DAB1: variants seen among roughly 807,000 people sequenced by gnomAD.
DAB1 encodes the protein DAB adaptor protein 1, also known as disabled homolog 1.
Under a neutral mutation model 64.6 loss-of-function variants are expected in DAB1, and 15 were observed. The ratio of observed to expected loss-of-function variants is 0.23; its 90% CI spans 0.16 to 0.36. The LOEUF is 0.36. DAB1 is among the 10% of genes least tolerant of loss of function. The probability of loss-of-function intolerance (pLI) is 1.00; values close to 1 mark genes in which losing one functional copy is unlikely to be tolerated. For missense variants in DAB1, 596 were observed against 706.7 expected (o/e 0.84, Z 1.78); for synonymous variants, 235 against 251.9 (o/e 0.93, Z 0.64).
chr1:57,553,237 G>A (rs974871476), intron 7 of DAB1, among the ~76,000 whole-genome samples: 2 of 151,160 alleles, frequency 1.3e-5, no homozygotes, highest in Admixed American at 1.3e-4. Flanking sequence ...GGGAAAAAAT[G>A]GGTATCTATA....
At chr1:57,064,629 G>A (rs370400532) in intron 8 of DAB1, among the ~76,000 whole-genome samples, 103 of 152,288 alleles carry the variant, frequency 6.8e-4, no homozygotes, top group East Asian at 2.9e-3. Flanking sequence ...TCTGTGAATG[G>A]GGAAGCCAAA....
At chr1:57,932,042 T>C (rs1415201596) in intron 5 of DAB1, among the ~76,000 whole-genome samples, 3 of 152,170 alleles carry the variant, frequency 2.0e-5, no homozygotes, top group East Asian at 3.8e-4. Flanking sequence ...TGATAAGTTG[T>C]GTTTTTATTT....
chr1:57,392,294 AC>A (rs1428858927), intron 1 of DAB1, among the ~76,000 whole-genome samples: 1 of 152,058 alleles, frequency 6.6e-6, no homozygotes, highest in East Asian at 1.9e-4. Flanking sequence ...AATTGCTTGA[AC>A]CCAGGGGGCG....
rs78762752 is a variant in DAB1 at position 57,642,842 on chromosome 1, C to G, written n.625+6750G>C. Among the ~76,000 whole-genome samples, 851 of 152,284 alleles carry G rather than the reference C, an allele frequency of 5.6e-3. 9 individuals carry two copies. The highest frequency in any genetic ancestry group is 0.019 in the African/African-American group (789 of 41,540). ...CATTTCATTTTGTCCCAGATGCTGT[C>G]ATAATGTCTGCTAATATCTCTAGAC... On this transcript the variant is annotated intron_variant and non_coding_transcript_variant, in intron 7 of 20. Coordinates refer to the DAB1 transcript ENST00000485760.
chr1:58,079,238 CA>C (rs1649835508), intron 5 of DAB1, among the ~76,000 whole-genome samples: 1 of 152,178 alleles, frequency 6.6e-6, no homozygotes, highest in South Asian at 2.1e-4. Context: ...GGGCTCCCCT[CA>C]GACATCACAT....
At chr1:57,385,966 T>C (rs1291197172) in intron 1 of DAB1, among the ~76,000 whole-genome samples, 1 of 152,198 alleles carries the variant, frequency 6.6e-6, no homozygotes, top group Non-Finnish European at 1.5e-5. Flanking sequence ...GCATGGGTTA[T>C]AGAGTTAGCA....
chr1:57,985,467 G>A (rs577442021), intron 5 of DAB1, among the ~76,000 whole-genome samples: 12 of 152,204 alleles, frequency 7.9e-5, no homozygotes, highest in East Asian at 1.9e-4. Context: ...TCAGGCCTTC[G>A]AGAGGTGATT....
intron 3 of DAB1, among the ~76,000 whole-genome samples, chr1:58,372,639 A>C (rs1340495035): frequency 2.6e-5 from 4 of 152,246 alleles, no homozygotes; most frequent in African/African-American, 9.6e-5. Context: ...CCCAAAGCTC[A>C]TCTTGAATTA....
chr1:57,938,780 G>A (rs1194286705), intron 5 of DAB1, among the ~76,000 whole-genome samples: 4 of 152,020 alleles, frequency 2.6e-5, no homozygotes, highest in Admixed American at 2.6e-4. Context: ...GCCCCCTGGA[G>A]GTACCCTGCA....
At chr1:57,904,433 AGTAAGTGAGGTCT>A (rs1406070146) in intron 5 of DAB1, among the ~76,000 whole-genome samples, 2 of 152,218 alleles carry the variant, frequency 1.3e-5, no homozygotes, top group African/African-American at 4.8e-5. Context: ...GACTGTACAC[AGTAAGTGAGGTCT>A]GTATTCTCAC....
chr1:57,341,023 C>T (rs1264896958), intron 1 of DAB1, among the ~76,000 whole-genome samples: 1 of 152,178 alleles, frequency 6.6e-6, no homozygotes, highest in African/African-American at 2.4e-5. Flanking sequence ...AGCACTTACA[C>T]AGCCCTTATT....
At chr1:57,510,591 G>A (rs1327863886) in intron 7 of DAB1, among the ~76,000 whole-genome samples, 3 of 151,732 alleles carry the variant, frequency 2.0e-5, no homozygotes, top group Non-Finnish European at 4.4e-5. Context: ...ATGCCTTTAG[G>A]GAAGCTCTTT....
At chr1:57,626,483 C>T (rs1468964357) in intron 7 of DAB1, among the ~76,000 whole-genome samples, 1 of 152,182 alleles carries the variant, frequency 6.6e-6, no homozygotes, top group African/African-American at 2.4e-5. Flanking sequence ...AGAGGACGAT[C>T]TCATCTTGAA....
At chr1:57,538,589 C>T (rs922545516) in intron 7 of DAB1, among the ~76,000 whole-genome samples, 23 of 152,204 alleles carry the variant, frequency 1.5e-4, no homozygotes, top group African/African-American at 5.5e-4. Flanking sequence ...CTTGGAGCTG[C>T]ATTTATCTTC....
intron 9 of DAB1, among the ~76,000 whole-genome samples, chr1:57,054,469 G>A (rs184109331): frequency 1.0e-4 from 13 of 125,412 alleles, no homozygotes; most frequent in African/African-American, 3.0e-4. Context: ...TCAGGAATGT[G>A]CTTTTTTTTT....
chr1:58,087,256 T>A (rs1650371391), intron 5 of DAB1, among the ~76,000 whole-genome samples: 1 of 152,182 alleles, frequency 6.6e-6, no homozygotes. Context: ...TAATGAGGAC[T>A]CAATAACTAT....
intron 2 of DAB1, among the ~76,000 whole-genome samples, chr1:57,157,857 T>C (rs1660384516): frequency 6.6e-6 from 1 of 152,144 alleles, no homozygotes; most frequent in South Asian, 2.1e-4. Context: ...TTCTCATAAA[T>C]TGTTTTATTT....
At chr1:57,777,510 T>G (rs2101838310) in intron 6 of DAB1, among the ~76,000 whole-genome samples, 2 of 152,088 alleles carry the variant, frequency 1.3e-5, no homozygotes, top group East Asian at 3.9e-4. Context: ...TAATTTTTAT[T>G]GCAGTCTTCA....
chr1:58,526,601 C>CAAAAAAAAAA (rs10574530), intron 2 of DAB1, among the ~76,000 whole-genome samples: 1 of 121,408 alleles, frequency 8.2e-6, no homozygotes, highest in Non-Finnish European at 1.7e-5. Flanking sequence ...CTATGGCTAG[C>CAAAAAAAAAA]AAAAAAAAAA....
Sources: allele counts gnomAD v4.1 joint callset (sites outside exome capture counted in the v4.1 genomes callset), GRCh38; gene constraint gnomAD v4.1.1; transcripts MANE v1.5; gene names NCBI Gene and HGNC (gene_info 2026-07-23, HGNC 2026-07-21).